The following SLC38A9 variants were observed in gnomAD, a reference collection of about 807,000 sequenced individuals.
SLC38A9 encodes the protein neutral amino acid transporter 9.
Under a neutral mutation model 62.3 loss-of-function variants are expected in SLC38A9, and 48 were observed. The observed-to-expected ratio is 0.77, with a 90% confidence interval of 0.61 to 0.98. SLC38A9 has a LOEUF of 0.98. Among genes scored for constraint, SLC38A9 ranks in the 50% least tolerant of loss-of-function variants. The pLI is 0.00. For synonymous variants in SLC38A9, 204 were observed against 227.7 expected (o/e 0.90, Z 0.94); for missense variants, 541 against 679.8 (o/e 0.80, Z 2.27).
chr5:55,667,461 G>A (rs1375158247), intron 7 of SLC38A9, among the ~76,000 whole-genome samples: 2 of 152,082 alleles, frequency 1.3e-5, no homozygotes, highest in Non-Finnish European at 2.9e-5. Flanking sequence ...ATCTATTGAT[G>A]TAATTATGAA....
intron 8 of SLC38A9, 56 bp downstream of exon 8, chr5:55,664,637 C>T: frequency 2.1e-6 from 2 of 934,384 alleles, no homozygotes; most frequent in East Asian, 5.9e-5. Flanking sequence ...ACTAACATTA[C>T]AGTGGTAATA....
chr5:55,653,233 C>T (rs1210957231), intron 9 of SLC38A9, among the ~76,000 whole-genome samples: 2 of 152,148 alleles, frequency 1.3e-5, no homozygotes, highest in Admixed American at 6.5e-5. Flanking sequence ...TCTCAAAGTG[C>T]TGGCATTACA....
chr5:55,694,205 CTCAA>C (rs1406026039), intron 3 of SLC38A9: 1 of 134,550 alleles, frequency 7.4e-6, no homozygotes, highest in Admixed American at 7.7e-5. Flanking sequence ...GAGACCCTGT[CTCAA>C]AAAAAAAAAA....
chr5:55,633,576 A>G, intron 14 of SLC38A9, 178 bp downstream of exon 14: 1 of 709,174 alleles, frequency 1.4e-6, no homozygotes, highest in East Asian at 2.8e-5. Context: ...CATTCTAGAC[A>G]AGGGAGTGGC....
intron 7 of SLC38A9, 67 bp from the exon 8 acceptor site, chr5:55,664,930 TC>T: frequency 8.9e-7 from 1 of 1,123,836 alleles, no homozygotes; most frequent in Non-Finnish European, 1.2e-6. Context: ...TAATTTGTGT[TC>T]CCCAAATAAA....
At chr5:55,676,920 G>A (rs1203213095) in intron 3 of SLC38A9, among the ~76,000 whole-genome samples, 1 of 151,582 alleles carries the variant, frequency 6.6e-6, no homozygotes, top group Non-Finnish European at 1.5e-5. Flanking sequence ...ATTGTTAGAT[G>A]GTTTTATTGC....
intron 13 of SLC38A9, chr5:55,634,542 A>G (rs1744029914): frequency 6.6e-6 from 1 of 152,234 alleles, no homozygotes; most frequent in Non-Finnish European, 1.5e-5. Context: ...TACCACAAAT[A>G]TTCCTATTCC....
intron 10 of SLC38A9, among the ~76,000 whole-genome samples, chr5:55,650,774 T>C (rs965411517): frequency 1.3e-5 from 2 of 152,158 alleles, no homozygotes; most frequent in African/African-American, 4.8e-5. Flanking sequence ...GCCTTGTTCC[T>C]TGATATGCTG....
At chr5:55,677,618 CA>C (rs1752296754) in intron 3 of SLC38A9, among the ~76,000 whole-genome samples, 1 of 151,894 alleles carries the variant, frequency 6.6e-6, no homozygotes, top group Admixed American at 6.6e-5. Flanking sequence ...CTCGCAGCAG[CA>C]ACAAGAGGCT....
chr5:55,696,028 C>G (rs1273221220), intron 3 of SLC38A9: 1 of 54,234 alleles, frequency 1.8e-5, no homozygotes, highest in African/African-American at 6.1e-5. Context: ...GGGGGGCTGA[C>G]CCCCCCACCT....
intron 8 of SLC38A9, among the ~76,000 whole-genome samples, chr5:55,664,228 T>A (rs995666994): frequency 4.6e-5 from 7 of 152,118 alleles, no homozygotes; most frequent in African/African-American, 1.7e-4. Flanking sequence ...TTTCTAAGAC[T>A]CTCCTCAGAA....
chr5:55,635,236 A>G (rs1474626740), intron 13 of SLC38A9: 1 of 333,384 alleles, frequency 3.0e-6, no homozygotes, highest in Non-Finnish European at 5.7e-6. Context: ...TCCCCACAAA[A>G]AGAGAAATAT....
intron 2 of SLC38A9, among the ~76,000 whole-genome samples, chr5:55,709,133 T>C (rs1757675090): frequency 6.6e-6 from 1 of 152,216 alleles, no homozygotes; most frequent in Non-Finnish European, 1.5e-5. Flanking sequence ...AGTTGGAACA[T>C]GCTTCCAACC....
intron 12 of SLC38A9, among the ~76,000 whole-genome samples, chr5:55,642,132 A>C (rs1028243412): frequency 6.6e-6 from 1 of 151,720 alleles, no homozygotes; most frequent in African/African-American, 2.4e-5. Flanking sequence ...CACAACATCC[A>C]CCTCCCAGGT....
In SLC38A9 at chr5:55,669,517, A is replaced by G. The variant is rs1271475563; in HGVS notation, c.432+40T>C. 4 of 1,548,030 alleles carry G rather than the reference A, an allele frequency of 2.6e-6. No individual in the cohort carries two copies. In the Admixed American group the frequency reaches 7.7e-5, roughly 30 times the overall value. ...TATAAAACTTACAATATAAAGAGAA[A>G]AACATTTAGGCAAAAAGTGTGCTGA... is the stretch of plus-strand genomic sequence containing the variant. On this transcript the variant is annotated intron_variant, in intron 6 of 15. Transcript: ENST00000396865.
intron 7 of SLC38A9, among the ~76,000 whole-genome samples, chr5:55,667,228 GT>G (rs34016533): frequency 6.6e-6 from 1 of 151,124 alleles, no homozygotes; most frequent in Admixed American, 6.6e-5. Context: ...ATTATTTAGG[GT>G]TTTTTTTGCT....
At chr5:55,672,412 A>T in intron 4 of SLC38A9, 151 bp downstream of exon 4, 1 of 741,842 alleles carries the variant, frequency 1.3e-6, no homozygotes, top group Non-Finnish European at 2.2e-6. Flanking sequence ...GAGATGTAGG[A>T]TGTGTGTTAA....
At chr5:55,665,882 G>A (rs534800433) in intron 7 of SLC38A9, among the ~76,000 whole-genome samples, 13 of 152,312 alleles carry the variant, frequency 8.5e-5, no homozygotes, top group African/African-American at 2.9e-4. Context: ...AGGATCCCTT[G>A]AGACCAGGAG....
At chr5:55,639,944 T>A (rs73123898) in intron 12 of SLC38A9, among the ~76,000 whole-genome samples, 4,575 of 149,964 alleles carry the variant, frequency 0.031, 92 homozygotes, top group African/African-American at 0.052. Context: ...CCAATTTCAA[T>A]TAAGACAGTA....
Sources: gnomAD v4.1 joint callset for allele counts (sites outside exome capture counted in the v4.1 genomes callset) on GRCh38, gnomAD v4.1.1 for gene constraint, MANE v1.5 for transcripts, NCBI Gene and HGNC (gene_info 2026-07-23, HGNC 2026-07-21) for gene names.